Variants in CD96 observed in about 807,000 individuals in gnomAD.
CD96 encodes the protein T-cell surface protein tactile.
Under a neutral mutation model 71.3 loss-of-function variants are expected in CD96, and 70 were observed. That is an observed-to-expected ratio of 0.98 (90% CI 0.81 to 1.20). The LOEUF (loss-of-function observed/expected upper bound fraction) is 1.20, where lower values mean the gene tolerates loss of function less well. Among genes scored for constraint, CD96 ranks in the 50% most tolerant of loss-of-function variants. The pLI, the probability that CD96 is intolerant of heterozygous loss-of-function variation, is 0.00. For synonymous variants in CD96, 248 were observed against 233.0 expected, an observed-to-expected ratio of 1.06 and a Z score of -0.59; for missense variants, 742 against 677.5, an observed-to-expected ratio of 1.10 and a Z score of -1.06.
chr3:111,652,298 A>G lies in CD96; in HGVS notation c.*2492A>G, dbSNP rs551123787. 46 of 152,256 alleles carry G rather than the reference A, an allele frequency of 3.0e-4. No individual in the cohort carries two copies. The highest frequency in any genetic ancestry group is 1.1e-3 in the African/African-American group (46 of 41,556). 9.4% of individuals were successfully genotyped at this position (152,256 alleles called of 1,614,324 possible). The stretch of plus-strand genomic sequence containing the variant: ...AGAAACAAATGCTAGCTTCATATGT[A>G]TGGCTGTTGCTTTGCTTCATGTGTA... On this transcript the variant is annotated 3_prime_UTR_variant, in exon 14 of 14. Coordinates refer to ENST00000352690, the MANE Select transcript of CD96 (RefSeq NM_005816.5).
intron 2 of CD96, among the ~76,000 whole-genome samples, chr3:111,553,517 A>G (rs1934834251): frequency 6.6e-6 from 1 of 150,938 alleles, no homozygotes; most frequent in African/African-American, 2.4e-5. Flanking sequence ...CATGATATTA[A>G]GAGCCACTGG....
chr3:111,547,572 A>T (rs565419545), intron 2 of CD96, among the ~76,000 whole-genome samples: 3 of 152,340 alleles, frequency 2.0e-5, no homozygotes, highest in Admixed American at 2.0e-4. Flanking sequence ...TGGAGAACAG[A>T]TAGTATATTA....
chr3:111,597,845 A>T (rs1937327600), intron 5 of CD96, among the ~76,000 whole-genome samples: 1 of 152,194 alleles, frequency 6.6e-6, no homozygotes, highest in African/African-American at 2.4e-5. Context: ...TCTCCTTTAC[A>T]GAACCCAGAA....
chr3:111,656,608 T>TA (rs1491096494), downstream of CD96, among the ~76,000 whole-genome samples: 1 of 152,170 alleles, frequency 6.6e-6, no homozygotes, highest in Non-Finnish European at 1.5e-5. Flanking sequence ...ATTATCTAAA[T>TA]GTCCAATATA....
intron 3 of CD96, among the ~76,000 whole-genome samples, chr3:111,570,411 C>T (rs1416859540): frequency 1.3e-5 from 2 of 152,128 alleles, no homozygotes; most frequent in African/African-American, 4.8e-5. Context: ...ACCTTCCCCA[C>T]CTCCTGCCTC....
intron 10 of CD96, 90 bp from the exon 11 acceptor site, chr3:111,637,106 C>CT: frequency 1.3e-6 from 1 of 758,798 alleles, no homozygotes; most frequent in South Asian, 1.4e-5. Flanking sequence ...CATTAATATC[C>CT]TTTTTTATAA....
chr3:111,610,025 A>G (rs532722137), intron 8 of CD96, among the ~76,000 whole-genome samples: 1 of 152,372 alleles, frequency 6.6e-6, no homozygotes, highest in Admixed American at 6.5e-5. Flanking sequence ...CAAAATGTCA[A>G]TAGTGCCAAG....
intron 5 of CD96, chr3:111,593,395 A>G: frequency 1.0e-6 from 1 of 971,808 alleles, no homozygotes; most frequent in Non-Finnish European, 1.4e-6. Context: ...GTCAATTCAG[A>G]CCTGCTCAGA....
chr3:111,626,160 G>T (rs1253858661), intron 10 of CD96, among the ~76,000 whole-genome samples: 1 of 151,914 alleles, frequency 6.6e-6, no homozygotes, highest in African/African-American at 2.4e-5. Context: ...AATTAGCCAG[G>T]CGTGGTGGTG....
intron 14 of CD96, among the ~76,000 whole-genome samples, chr3:111,664,465 A>G (rs1940434088): frequency 6.6e-6 from 1 of 152,218 alleles, no homozygotes; most frequent in Non-Finnish European, 1.5e-5. Flanking sequence ...CATTTAGCAC[A>G]TCTGGACATA....
At chr3:111,653,436 A>T (rs190911374), downstream of CD96, among the ~76,000 whole-genome samples, 121 of 152,272 alleles carry the variant, frequency 7.9e-4, no homozygotes, top group East Asian at 0.012. Flanking sequence ...TTATTTTTTT[A>T]AAAAAATAGT....
intron 10 of CD96, among the ~76,000 whole-genome samples, chr3:111,624,759 G>A (rs1938668474): frequency 6.6e-6 from 1 of 152,224 alleles, no homozygotes; most frequent in Non-Finnish European, 1.5e-5. Context: ...CAGTCAACCC[G>A]AAAGAGCAAG....
intron 12 of CD96, 150 bp from the exon 13 acceptor site, chr3:111,647,393 A>G (rs1322483958): frequency 9.4e-6 from 7 of 745,736 alleles, no homozygotes; most frequent in Non-Finnish European, 1.7e-5. Context: ...CACCTCATGT[A>G]GGTAACAAGG....
At chr3:111,631,346 C>T (rs1939051558) in intron 10 of CD96, among the ~76,000 whole-genome samples, 1 of 152,090 alleles carries the variant, frequency 6.6e-6, no homozygotes, top group Non-Finnish European at 1.5e-5. Context: ...ATCCTATACA[C>T]CAACAACAGG....
At chr3:111,562,164 G>A (rs1383803479) in intron 2 of CD96, among the ~76,000 whole-genome samples, 1 of 152,186 alleles carries the variant, frequency 6.6e-6, no homozygotes, top group East Asian at 1.9e-4. Context: ...GAAATCACCG[G>A]TCTTCTGCGT....
chr3:111,604,621 C>T (rs1274092783), intron 7 of CD96, among the ~76,000 whole-genome samples: 1 of 152,216 alleles, frequency 6.6e-6, no homozygotes, highest in Non-Finnish European at 1.5e-5. Context: ...AACACCTCAG[C>T]TTACAAAATC....
intron 5 of CD96, among the ~76,000 whole-genome samples, chr3:111,592,186 A>T (rs1221962834): frequency 6.6e-6 from 1 of 152,166 alleles, no homozygotes; most frequent in African/African-American, 2.4e-5. Flanking sequence ...AACAAATATC[A>T]GGTCCAGTGC....
chr3:111,544,708 G>A (rs13087579), intron 1 of CD96, among the ~76,000 whole-genome samples: 60,040 of 151,876 alleles, frequency 0.4, 13,725 homozygotes, highest in Middle Eastern at 0.53. Flanking sequence ...AAGAAGAATC[G>A]TCATACTAAG....
rs1044245916 is a variant in CD96, at chr3:111,624,335, A to G, written c.1252A>G (p.Ser418Gly). ...ALRPNTTPQP[S>G]NSSMTTRGFN... ...CTGAAAATAATTTTGTCTTTCAGCC[A>G]GCAATTCCAGTATGACTACCCGAGG... is the stretch of plus-strand genomic sequence containing the variant. Residue 418 changes from serine (S) to glycine (G), a missense_variant and splice_region_variant, in exon 10 of 14, where the codon AGC becomes GGC. Ser to Gly is a moderately conservative substitution (Grantham distance 56). Transcript: ENST00000352690. 6 of 1,606,530 alleles carry G rather than the reference A, an allele frequency of 3.7e-6. No individual in the cohort carries two copies. Among genetic ancestry groups the G allele is most frequent in the Non-Finnish European group, 5.1e-6 (6 of 1,173,190 alleles).
Sources: allele counts gnomAD v4.1 joint callset (sites outside exome capture counted in the v4.1 genomes callset), GRCh38; gene constraint gnomAD v4.1.1; transcripts MANE v1.5; gene names NCBI Gene and HGNC (gene_info 2026-07-23, HGNC 2026-07-21).